The following CHCHD3 variants were observed in gnomAD, a reference collection of about 807,000 sequenced individuals.
CHCHD3 encodes coiled-coil-helix-coiled-coil-helix domain containing 3.
Under a neutral mutation model 38.2 loss-of-function variants are expected in CHCHD3, and 20 were observed. The observed-to-expected ratio is 0.52, with a 90% CI of 0.37 to 0.76. The LOEUF (loss-of-function observed/expected upper bound fraction) is 0.76. CHCHD3 is among the 30% of genes least tolerant of loss of function. The pLI, the probability that CHCHD3 is intolerant of heterozygous loss-of-function variation, is 0.00. For missense variants in CHCHD3, 245 were observed against 279.2 expected, an observed-to-expected ratio of 0.88 and a Z score of 0.87; for synonymous variants, 82 against 100.0, an observed-to-expected ratio of 0.82 and a Z score of 1.07.
chr7:133,039,617 G>C (rs1813773927), intron 2 of CHCHD3, among the ~76,000 whole-genome samples: 1 of 152,300 alleles, frequency 6.6e-6, no homozygotes, highest in South Asian at 2.1e-4. Context: ...TTGAAGTCTT[G>C]ACTATGCCTT....
chr7:132,917,064 C>A (rs1810125127), intron 4 of CHCHD3, among the ~76,000 whole-genome samples: 2 of 152,166 alleles, frequency 1.3e-5, no homozygotes, highest in Non-Finnish European at 2.9e-5. Flanking sequence ...GCAAATGTTA[C>A]AGACTGAATC....
At chr7:132,928,628 C>T (rs539173319) in intron 4 of CHCHD3, among the ~76,000 whole-genome samples, 140 of 152,158 alleles carry the variant, frequency 9.2e-4, no homozygotes, top group African/African-American at 3.0e-3. Flanking sequence ...ACCTGGGAGG[C>T]GGAGGTTGCA....
intron 3 of CHCHD3, among the ~76,000 whole-genome samples, chr7:132,986,417 GAAAAAAGAAAAAAAAA>G (rs1280777102): frequency 1.5e-4 from 8 of 52,590 alleles, no homozygotes; most frequent in Non-Finnish European, 2.4e-4. Flanking sequence ...AAAAGAAAAA[GAAAAAAGAAAAAAAAA>G]AAAAAAGAAA....
chr7:132,959,266 T>C (rs939822195), intron 4 of CHCHD3, among the ~76,000 whole-genome samples: 1 of 152,196 alleles, frequency 6.6e-6, no homozygotes, highest in African/African-American at 2.4e-5. Flanking sequence ...ATTACAAATC[T>C]AGAGAAACAG....
intron 5 of CHCHD3, among the ~76,000 whole-genome samples, chr7:132,853,689 A>C (rs995914366): frequency 2.6e-5 from 4 of 152,320 alleles, no homozygotes; most frequent in African/African-American, 7.2e-5. Flanking sequence ...ATCTATATTC[A>C]ATGAAGACAG....
At chr7:132,955,785 C>A (rs1585672527) in intron 4 of CHCHD3, among the ~76,000 whole-genome samples, 1 of 151,888 alleles carries the variant, frequency 6.6e-6, no homozygotes, top group Non-Finnish European at 1.5e-5. Flanking sequence ...AGATTTATAA[C>A]CAAGGAGCAA....
At chr7:132,862,087 T>TGGAC (rs1327259313) in intron 5 of CHCHD3, among the ~76,000 whole-genome samples, 1 of 150,618 alleles carries the variant, frequency 6.6e-6, no homozygotes, top group Admixed American at 6.7e-5. Context: ...GATGGATGGA[T>TGGAC]GGATGGATGG....
chr7:132,957,503 G>A (rs1445788841), intron 4 of CHCHD3, among the ~76,000 whole-genome samples: 1 of 151,708 alleles, frequency 6.6e-6, no homozygotes, highest in Non-Finnish European at 1.5e-5. Flanking sequence ...TTTTTTTTGA[G>A]ACAGAGTCTC....
intron 7 of CHCHD3, among the ~76,000 whole-genome samples, chr7:132,794,928 C>T (rs778332379): frequency 3.9e-5 from 6 of 152,240 alleles, no homozygotes; most frequent in Non-Finnish European, 8.8e-5. Context: ...AACTCACTAT[C>T]GCGCCATGTG....
chr7:133,072,825 C>CA (rs34614646), intron 1 of CHCHD3, among the ~76,000 whole-genome samples: 72,159 of 122,750 alleles, frequency 0.59, 19,857 homozygotes, highest in Middle Eastern at 0.64. Context: ...GACTCCGTCT[C>CA]AAAAAAAAAA....
At chr7:132,909,829 T>C (rs1241688377) in intron 4 of CHCHD3, among the ~76,000 whole-genome samples, 1 of 152,234 alleles carries the variant, frequency 6.6e-6, no homozygotes, top group Non-Finnish European at 1.5e-5. Flanking sequence ...AGAAACTTCA[T>C]GGCACTTGCA....
At chr7:132,972,244 G>A (rs945999839) in intron 4 of CHCHD3, among the ~76,000 whole-genome samples, 3 of 152,134 alleles carry the variant, frequency 2.0e-5, no homozygotes, top group Admixed American at 1.3e-4. Flanking sequence ...CCATTAAAAT[G>A]TGACCACACA....
intron 6 of CHCHD3, among the ~76,000 whole-genome samples, chr7:132,836,789 A>G (rs4731902): frequency 0.38 from 57,944 of 151,934 alleles, 11,634 homozygotes; most frequent in Middle Eastern, 0.5. Context: ...CTCATTCTTC[A>G]AGTTCTTATT....
At chr7:133,064,040 C>G (rs1814599091) in intron 2 of CHCHD3, among the ~76,000 whole-genome samples, 1 of 152,190 alleles carries the variant, frequency 6.6e-6, no homozygotes, top group Admixed American at 6.5e-5. Flanking sequence ...CTTTCCATAC[C>G]TCTTATACAT....
intron 6 of CHCHD3, among the ~76,000 whole-genome samples, chr7:132,812,819 C>T (rs1807106113): frequency 6.6e-6 from 1 of 152,200 alleles, no homozygotes; most frequent in Admixed American, 6.5e-5. Context: ...GCCTCCATCT[C>T]TCTCTACGAC....
intron 4 of CHCHD3, among the ~76,000 whole-genome samples, chr7:132,920,208 A>T (rs1810226627): frequency 6.6e-6 from 1 of 152,206 alleles, no homozygotes; most frequent in African/African-American, 2.4e-5. Flanking sequence ...TTTTATCGGA[A>T]CAAAACCCAT....
chr7:132,817,758 G>A (rs1382336637), intron 6 of CHCHD3, among the ~76,000 whole-genome samples: 1 of 152,120 alleles, frequency 6.6e-6, no homozygotes, highest in African/African-American at 2.4e-5. Flanking sequence ...TCAGGAGGCT[G>A]AGACAGGAGG....
At chr7:132,799,039 G>T (rs1806697648) in intron 6 of CHCHD3, among the ~76,000 whole-genome samples, 2 of 119,614 alleles carry the variant, frequency 1.7e-5, no homozygotes, top group African/African-American at 5.9e-5. Flanking sequence ...GTGTGTGTGT[G>T]TGTGTGTGTG....
rs553388049 is a variant in CHCHD3, at chr7:132,980,598, C to T, written c.252-5312G>A. ...TTGCCTAAGCTTAATGAAACAAATA[C>T]CAGTCAGTGCTGCCCTTAGACCTCA... is the stretch of plus-strand genomic sequence containing the variant. On this transcript the variant is annotated intron_variant, in intron 3 of 7. Transcript: ENST00000262570. 1.1e-4 allele frequency among the ~76,000 whole-genome samples: 17 copies of T among 152,222 alleles called. No individual in the cohort carries two copies. In the East Asian group the frequency reaches 2.1e-3, roughly 19 times the overall value.
Sources: allele counts gnomAD v4.1 joint callset (sites outside exome capture counted in the v4.1 genomes callset), GRCh38; gene constraint gnomAD v4.1.1; transcripts MANE v1.5; gene names NCBI Gene and HGNC (gene_info 2026-07-23, HGNC 2026-07-21).